Variants in ANKRD36 observed in about 807,000 individuals in gnomAD.
ANKRD36 encodes ankyrin repeat domain 36, also known as ankyrin repeat domain-containing protein 36A.
A neutral mutation model predicts 278.1 loss-of-function variants in ANKRD36; 179 were observed. That is an observed-to-expected ratio of 0.64 (90% CI 0.57 to 0.73). The LOEUF (loss-of-function observed/expected upper bound fraction) is 0.73, where lower values mean the gene tolerates loss of function less well. ANKRD36 is among the 30% of genes least tolerant of loss of function. The probability of loss-of-function intolerance (pLI) is 0.00; values close to 1 mark genes in which losing one functional copy is unlikely to be tolerated. For missense variants in ANKRD36, 1,159 were observed against 1,956.7 expected, an observed-to-expected ratio of 0.59 and a Z score of 7.69; for synonymous variants, 320 against 641.1, an observed-to-expected ratio of 0.50 and a Z score of 7.57.
intron 36 of ANKRD36, 119 bp from the exon 37 acceptor site, chr2:97,192,739 C>T: frequency 7.3e-7 from 1 of 1,363,588 alleles, no homozygotes. Context: ...AAGTAGAAGC[C>T]ATCAAAGCCT....
chr2:97,159,318 G>A (rs1359475779), intron 17 of ANKRD36, among the ~76,000 whole-genome samples: 1 of 152,018 alleles, frequency 6.6e-6, no homozygotes, highest in African/African-American at 2.4e-5. Context: ...AATATTTCTA[G>A]TTTAAATAAA....
At position 97,231,366 on chromosome 2, in the gene ANKRD36, C is replaced by T. The variant is rs574740005; in HGVS notation, c.3952-2364C>T. 1.5e-3 allele frequency among the ~76,000 whole-genome samples: 224 copies of T among 152,262 alleles called. 1 individual carries two copies. The highest frequency in any genetic ancestry group is 0.014 in the Middle Eastern group (4 of 294). ...GGTGCCCCTCCCCCAGCCTCACTGCCGCCTTGCAGTTTGATCTCAGACTGC... is the reference window on the plus strand; with the variant it reads ...GGTGCCCCTCCCCCAGCCTCACTGCTGCCTTGCAGTTTGATCTCAGACTGC... On this transcript the variant is annotated intron_variant, in intron 67 of 75. Coordinates refer to ENST00000420699, the MANE Select transcript of ANKRD36 (RefSeq NM_001354587.1).
chr2:97,150,734 G>T (rs2045698917), intron 12 of ANKRD36, among the ~76,000 whole-genome samples: 1 of 152,334 alleles, frequency 6.6e-6, no homozygotes, highest in African/African-American at 2.4e-5. Flanking sequence ...CTTAGATTAG[G>T]ATTTTAGATT....
intron 5 of ANKRD36, among the ~76,000 whole-genome samples, chr2:97,125,382 C>A (rs1468775952): frequency 7.8e-6 from 1 of 128,118 alleles, no homozygotes; most frequent in Non-Finnish European, 1.6e-5. Context: ...ACATACGGAG[C>A]AAATTGACAC....
At chr2:97,179,712 G>C (rs765828025) in intron 22 of ANKRD36, 26 bp from the exon 23 acceptor site, 7 of 1,592,572 alleles carry the variant, frequency 4.4e-6, no homozygotes, top group Non-Finnish European at 5.9e-6. Flanking sequence ...ACATATGATT[G>C]ATTATGTATC....
chr2:97,164,827 A>G (rs984864782), intron 20 of ANKRD36, among the ~76,000 whole-genome samples: 7 of 152,244 alleles, frequency 4.6e-5, no homozygotes, highest in African/African-American at 1.4e-4. Context: ...GAGAAAAGCT[A>G]TACCTGCTGA....
Position 97,190,321 on chromosome 2 carries a change from C to T in ANKRD36, c.2246-657C>T, listed in dbSNP as rs1363944209. ...GCTGATATATTATCCTTTGGTGCCA[C>T]GACTGGATGAAGAAACTTTCGGAGG... On this transcript the variant is annotated intron_variant, in intron 34 of 75. Transcript: ENST00000420699. Among the ~76,000 whole-genome samples, 7 of 89,200 alleles carry T rather than the reference C, an allele frequency of 7.8e-5. 2 individuals carry two copies. Among genetic ancestry groups the T allele is most frequent in the East Asian group, 4.4e-4 (2 of 4,540 alleles). The allele number at this position is 89,200 out of a possible 152,430, so 58.5% of individuals were successfully genotyped here. A position where few individuals can be genotyped will look rare whatever the true frequency, so the allele number is the denominator to read the frequency against.
At position 97,198,364 on chromosome 2, in the gene ANKRD36, C is replaced by G. The variant is rs1191302243; in HGVS notation, c.2654-99C>G. 7.8e-6 allele frequency: 12 copies of G among 1,542,210 alleles called. 1 individual carries two copies. In the East Asian group the frequency reaches 2.9e-4, roughly 38 times the overall value. ...GAAGCCATCAAAGCGTACACTAATA[C>G]AGGCAGGAGGACAGAGGTTGATGCT... On this transcript the variant is annotated intron_variant, in intron 42 of 75. Coordinates refer to ENST00000420699, the MANE Select transcript of ANKRD36 (RefSeq NM_001354587.1).
chr2:97,209,461 CAT>C (rs1466159529), intron 54 of ANKRD36, among the ~76,000 whole-genome samples: 1 of 146,256 alleles, frequency 6.8e-6, no homozygotes, highest in East Asian at 2.0e-4. Flanking sequence ...CGTGACAAAT[CAT>C]ATAATGTTTG....
chr2:97,195,571 C>T (rs1204638688), intron 40 of ANKRD36, among the ~76,000 whole-genome samples: 2 of 151,976 alleles, frequency 1.3e-5, no homozygotes, highest in African/African-American at 4.8e-5. Context: ...CTCATTACTC[C>T]TCTTTGTTAC....
Position 97,149,325 on chromosome 2 carries a change from G to T in ANKRD36, c.1065G>T (p.Gln355His), listed in dbSNP as rs2153461763. ...RSLYRPDAVA[Q>H]PVTENEFSLE... is the part of the protein sequence containing the mutation. ...TCTACAGACCTGATGCTGTTGCACAGCCTGTGACAGAGAATGAGTTTTCTT... is the reference window on the plus strand; with the variant it reads ...TCTACAGACCTGATGCTGTTGCACATCCTGTGACAGAGAATGAGTTTTCTT... The change falls in exon 12 of 76, where the codon CAG (glutamine) becomes CAT (histidine). Residue 355 changes from glutamine to histidine, a missense_variant. Gln to His is a conservative substitution (Grantham distance 24, BLOSUM62 0). Coordinates refer to ENST00000420699, the MANE Select transcript of ANKRD36 (RefSeq NM_001354587.1). 1.3e-6 allele frequency: 2 copies of T among 1,533,970 alleles called. No homozygotes were observed. The highest frequency in any genetic ancestry group is 1.7e-6 in the Non-Finnish European group (2 of 1,145,492).
intron 67 of ANKRD36, among the ~76,000 whole-genome samples, chr2:97,231,881 C>T (rs2072255795): frequency 6.6e-6 from 1 of 152,086 alleles, no homozygotes; most frequent in African/African-American, 2.4e-5. Flanking sequence ...GGAAAAAGCA[C>T]TCAAGTGTAC....
At chr2:97,192,010 AT>A (rs934622399) in intron 36 of ANKRD36, among the ~76,000 whole-genome samples, 2 of 151,752 alleles carry the variant, frequency 1.3e-5, no homozygotes, top group African/African-American at 4.8e-5. Context: ...CAACAAGGCT[AT>A]TTTAGAAATA....
At chr2:97,199,329 C>T (rs542619743) in intron 44 of ANKRD36, among the ~76,000 whole-genome samples, 1 of 151,836 alleles carries the variant, frequency 6.6e-6, no homozygotes, top group Non-Finnish European at 1.5e-5. Context: ...ACTAGGAGGC[C>T]TCAGAGATAC....
intron 36 of ANKRD36, among the ~76,000 whole-genome samples, chr2:97,191,453 A>T (rs1407142948): frequency 6.6e-6 from 1 of 151,674 alleles, no homozygotes; most frequent in Non-Finnish European, 1.5e-5. Flanking sequence ...GGAACAGCAT[A>T]ATTTTGCTTT....
chr2:97,225,752 T>C (rs2069295677), intron 67 of ANKRD36, among the ~76,000 whole-genome samples: 1 of 151,564 alleles, frequency 6.6e-6, no homozygotes, highest in South Asian at 2.1e-4. Context: ...ATTAGGTATA[T>C]CTCCTAATGC....
At chr2:97,196,063 A>G (rs2059673359) in intron 40 of ANKRD36, among the ~76,000 whole-genome samples, 1 of 151,982 alleles carries the variant, frequency 6.6e-6, no homozygotes, top group South Asian at 2.1e-4. Context: ...GAGGTATCCA[A>G]GGTGATCAAT....
chr2:97,220,097 T>A (rs2153647485), intron 66 of ANKRD36, among the ~76,000 whole-genome samples: 1 of 135,330 alleles, frequency 7.4e-6, no homozygotes, highest in East Asian at 2.4e-4. Flanking sequence ...TTTATTTTTT[T>A]GTTTTTAATT....
In ANKRD36 at chr2:97,124,474, A is replaced by G. The variant is rs763978745; in HGVS notation, c.608A>G (p.His203Arg). ...IDYLGRSALIHAVTLGEKDIV... is the reference protein window; with the variant it reads ...IDYLGRSALIRAVTLGEKDIV... The stretch of plus-strand genomic sequence containing the variant: ...TGTTATTTTAGATCAGCCCTCATAC[A>G]TGCTGTTACTCTTGGAGAAAAAGAT... Residue 203 changes from histidine (H) to arginine (R), a missense_variant, in exon 5 of 76, where the codon CAT (histidine) becomes CGT (arginine). Physicochemically the swap from His to Arg is conservative, Grantham distance 29. Transcript: ENST00000420699. The G allele has an allele frequency of 3.2e-6, 5 of 1,545,060 alleles. No homozygotes were observed. Among genetic ancestry groups the G allele is most frequent in the Admixed American group, 2.0e-5 (1 of 49,926 alleles).
Sources: allele counts gnomAD v4.1 joint callset (sites outside exome capture counted in the v4.1 genomes callset), GRCh38; gene constraint gnomAD v4.1.1; transcripts MANE v1.5; gene names NCBI Gene and HGNC (gene_info 2026-07-23, HGNC 2026-07-21).